Variants in DCC observed in about 807,000 individuals in gnomAD.
The protein encoded by DCC is netrin receptor DCC.
In DCC, 58 loss-of-function variants were observed where a neutral mutation model predicts 172.5. The ratio of observed to expected loss-of-function variants is 0.34; its 90% CI spans 0.27 to 0.42. DCC has a LOEUF of 0.42. DCC is among the 10% of genes least tolerant of loss of function. DCC has a pLI of 1.00. For synonymous variants in DCC, 709 were observed against 644.5 expected (o/e 1.10, Z -1.52); for missense variants, 1,740 against 1,791.0 (o/e 0.97, Z 0.51).
At chr18:53,509,322 T>C (rs1235982357) in intron 27 of DCC, among the ~76,000 whole-genome samples, 1 of 152,244 alleles carries the variant, frequency 6.6e-6, no homozygotes, top group East Asian at 1.9e-4. Context: ...ACAGTATGGG[T>C]AATGTCCAAA....
chr18:52,359,758 A>C (rs1437510610), intron 1 of DCC, among the ~76,000 whole-genome samples: 1 of 152,184 alleles, frequency 6.6e-6, no homozygotes, highest in Non-Finnish European at 1.5e-5. Context: ...TTGATTTTAA[A>C]ACACTGTAAT....
intron 1 of DCC, among the ~76,000 whole-genome samples, chr18:52,649,102 G>A (rs139213785): frequency 1.3e-5 from 2 of 152,234 alleles, no homozygotes; most frequent in East Asian, 1.9e-4. Context: ...GGCCGGGCGC[G>A]GTGGCTCACG....
chr18:52,464,739 C>T (rs1988733628), intron 1 of DCC, among the ~76,000 whole-genome samples: 1 of 151,804 alleles, frequency 6.6e-6, no homozygotes, highest in African/African-American at 2.4e-5. Context: ...GTTGGTACTA[C>T]CTGTTTTGTT....
At chr18:52,539,036 G>T (rs2032365195) in intron 1 of DCC, among the ~76,000 whole-genome samples, 1 of 152,178 alleles carries the variant, frequency 6.6e-6, no homozygotes, top group African/African-American at 2.4e-5. Context: ...ATGGAAAGGA[G>T]TCTGGTTGCA....
intron 2 of DCC, among the ~76,000 whole-genome samples, chr18:52,883,542 T>C (rs1212420653): frequency 6.6e-6 from 1 of 152,010 alleles, no homozygotes; most frequent in African/African-American, 2.4e-5. Flanking sequence ...CTCTTTTAAA[T>C]TGATGGCAAC....
At chr18:52,965,911 C>A (rs2040922121) in intron 5 of DCC, among the ~76,000 whole-genome samples, 1 of 152,114 alleles carries the variant, frequency 6.6e-6, no homozygotes, top group South Asian at 2.1e-4. Context: ...TGGGCATCTT[C>A]CTTTCATAAA....
At chr18:52,816,640 A>G (rs1318946221) in intron 2 of DCC, 1 of 152,196 alleles carries the variant, frequency 6.6e-6, no homozygotes, top group African/African-American at 2.4e-5. Flanking sequence ...ACAGAGGGAA[A>G]TGTGAGGCTG....
chr18:52,964,349 A>G (rs948897956), intron 5 of DCC, among the ~76,000 whole-genome samples: 1 of 152,190 alleles, frequency 6.6e-6, no homozygotes, highest in African/African-American at 2.4e-5. Context: ...CAAATTGTCC[A>G]TTATTTGTTA....
chr18:52,828,272 T>C (rs1015342641), intron 2 of DCC, among the ~76,000 whole-genome samples: 7 of 152,184 alleles, frequency 4.6e-5, no homozygotes, highest in Admixed American at 2.0e-4. Context: ...TTATATTGAT[T>C]CCAGTTAAGC....
chr18:53,530,408 C>A (rs1321114002), intron 28 of DCC, 156 bp from the exon 29 acceptor site: 1 of 713,532 alleles, frequency 1.4e-6, no homozygotes, highest in Non-Finnish European at 2.6e-6. Flanking sequence ...TTACCAGCAT[C>A]TTCATTCAGT....
chr18:53,295,634 C>A (rs2057057395), intron 12 of DCC, among the ~76,000 whole-genome samples: 1 of 152,102 alleles, frequency 6.6e-6, no homozygotes, highest in Non-Finnish European at 1.5e-5. Context: ...AATTTGAAAA[C>A]TGCCCTTTCC....
intron 2 of DCC, among the ~76,000 whole-genome samples, chr18:52,866,031 C>T (rs1183059423): frequency 6.6e-6 from 1 of 152,164 alleles, no homozygotes; most frequent in Non-Finnish European, 1.5e-5. Context: ...TTAGGTCTTA[C>T]ATTTAAATAT....
At chr18:53,219,285 T>A (rs1170635701) in intron 12 of DCC, among the ~76,000 whole-genome samples, 1 of 152,164 alleles carries the variant, frequency 6.6e-6, no homozygotes, top group Non-Finnish European at 1.5e-5. Context: ...CTCCTGTGGC[T>A]TCAAACATCT....
At chr18:53,265,438 CTG>C (rs1215037944) in intron 12 of DCC, among the ~76,000 whole-genome samples, 1 of 152,174 alleles carries the variant, frequency 6.6e-6, no homozygotes, top group African/African-American at 2.4e-5. Context: ...AAAATGTGGA[CTG>C]ATCATTATCA....
intron 21 of DCC, among the ~76,000 whole-genome samples, chr18:53,422,131 C>A (rs1910672074): frequency 6.6e-6 from 1 of 152,130 alleles, no homozygotes; most frequent in South Asian, 2.1e-4. Context: ...GAGACTAAAC[C>A]CAAAACTTCA....
rs749179877 is a variant in DCC at position 53,339,747 on chromosome 18, T to C, written c.2199T>C (p.His733=). The C allele has an allele frequency of 1.7e-5, 27 of 1,613,892 alleles. No homozygotes were observed. The African/African-American group carries it at 3.3e-4, about 20-fold the overall frequency. Residue 733 remains histidine (H), a synonymous_variant, in exon 15 of 29, where the codon CAT becomes CAC. Coordinates refer to ENST00000442544, the MANE Select transcript of DCC (RefSeq NM_005215.4). ...SQVPDQPSSL[H]VRPQTNCIIM... ...TTCCTGATCAACCAAGCTCTCTTCA[T>C]GTGAGGCCCCAGACTAACTGCATCA...
intron 21 of DCC, among the ~76,000 whole-genome samples, chr18:53,418,903 G>A (rs1345681706): frequency 2.0e-5 from 3 of 152,100 alleles, no homozygotes; most frequent in African/African-American, 7.2e-5. Flanking sequence ...ATGAAATATA[G>A]CATTTTTAAA....
chr18:53,213,315 T>C (rs1287903110), intron 11 of DCC, among the ~76,000 whole-genome samples: 1 of 152,158 alleles, frequency 6.6e-6, no homozygotes, highest in African/African-American at 2.4e-5. Context: ...CATGTCAGTA[T>C]TACAACATTA....
At chr18:53,061,924 T>C (rs762299266) in intron 5 of DCC, among the ~76,000 whole-genome samples, 4 of 152,092 alleles carry the variant, frequency 2.6e-5, no homozygotes, top group Non-Finnish European at 4.4e-5. Context: ...TTGACCAAAG[T>C]CTTTGGGAAA....
Sources: gnomAD v4.1 joint callset for allele counts (sites outside exome capture counted in the v4.1 genomes callset) on GRCh38, gnomAD v4.1.1 for gene constraint, MANE v1.5 for transcripts, NCBI Gene and HGNC (gene_info 2026-07-23, HGNC 2026-07-21) for gene names.